Variants in CLNK observed in about 807,000 individuals in gnomAD.
CLNK encodes the protein cytokine-dependent hematopoietic cell linker.
Under a neutral mutation model 68.6 loss-of-function variants are expected in CLNK, and 74 were observed. The observed-to-expected ratio is 1.08, with a 90% CI of 0.89 to 1.31. CLNK has a LOEUF of 1.31. Among genes scored for constraint, CLNK ranks in the 50% most tolerant of loss-of-function variants. The probability of loss-of-function intolerance (pLI) is 0.00; values close to 1 mark genes in which losing one functional copy is unlikely to be tolerated. For missense variants in CLNK, 553 were observed against 515.3 expected, an observed-to-expected ratio of 1.07 and a Z score of -0.71; for synonymous variants, 198 against 172.2, an observed-to-expected ratio of 1.15 and a Z score of -1.17.
chr4:10,628,669 G>A (rs911543176), intron 2 of CLNK, among the ~76,000 whole-genome samples: 4 of 152,166 alleles, frequency 2.6e-5, no homozygotes, highest in Admixed American at 6.5e-5. Context: ...TGAAGACTGC[G>A]ATGCCTGTGT....
intron 2 of CLNK, among the ~76,000 whole-genome samples, chr4:10,618,419 T>C (rs889376124): frequency 6.6e-6 from 1 of 152,244 alleles, no homozygotes. Context: ...ATTAGGTTGA[T>C]GGAAATCTTC....
chr4:10,520,754 T>C (rs1718027903), intron 15 of CLNK, 37 bp downstream of exon 15: 3 of 1,534,686 alleles, frequency 2.0e-6, no homozygotes, highest in Admixed American at 1.8e-5. Flanking sequence ...GTATCGTGAC[T>C]TACCTGTTTA....
chr4:10,660,921 A>C lies in CLNK; in HGVS notation c.11+6938T>G, dbSNP rs116454422. On this transcript the variant is annotated intron_variant, in intron 2 of 18. Coordinates refer to ENST00000226951, the MANE Select transcript of CLNK (RefSeq NM_052964.4). ...AATTACTAGCCAACCACGAAGCTGA[A>C]TCCTACCTATATGACTTTGATAGCA... Among the ~76,000 whole-genome samples, 535 of 152,292 alleles carry C rather than the reference A, an allele frequency of 3.5e-3. 3 individuals are homozygous for C. The highest frequency in any genetic ancestry group is 0.024 in the Middle Eastern group (7 of 294).
In CLNK at chr4:10,490,084, G is replaced by C. The variant is rs1170616703; in HGVS notation, c.*383C>G. ...AGATTTGGGAATTTCCCATAGACTT[G>C]TCTTGCACTGACTGCAAACATTTAA... On this transcript the variant is annotated 3_prime_UTR_variant, in exon 19 of 19. Coordinates refer to ENST00000226951, the MANE Select transcript of CLNK (RefSeq NM_052964.4). 2 of 190,044 alleles carry C rather than the reference G, an allele frequency of 1.1e-5. No homozygotes were observed. Among genetic ancestry groups the C allele is most frequent in the South Asian group, 2.2e-4 (2 of 8,984 alleles). 11.8% of individuals were successfully genotyped at this position (190,044 alleles called of 1,614,324 possible).
chr4:10,581,526 T>C (rs1400199527), intron 4 of CLNK, among the ~76,000 whole-genome samples: 3 of 152,124 alleles, frequency 2.0e-5, no homozygotes, highest in Non-Finnish European at 4.4e-5. Context: ...TAACAGGGGG[T>C]TGAAGAACAG....
chr4:10,709,152 T>C, the CLNK span, among the ~76,000 whole-genome samples: 1 of 152,212 alleles, frequency 6.6e-6, no homozygotes, highest in Non-Finnish European at 1.5e-5. Context: ...TTCAGACCTA[T>C]GCTTATACTG....
chr4:10,706,098 G>A, the CLNK span, among the ~76,000 whole-genome samples: 2 of 152,138 alleles, frequency 1.3e-5, no homozygotes, highest in Non-Finnish European at 2.9e-5. Flanking sequence ...CTTGCTTTGG[G>A]GTCACATACT....
intron 4 of CLNK, among the ~76,000 whole-genome samples, chr4:10,579,193 G>A (rs914727307): frequency 5.9e-5 from 9 of 152,176 alleles, no homozygotes; most frequent in Middle Eastern, 3.2e-3. Context: ...AAATAGGGTA[G>A]TCCACACCCT....
At chr4:10,600,203 G>A (rs1427478592) in intron 2 of CLNK, among the ~76,000 whole-genome samples, 1 of 151,556 alleles carries the variant, frequency 6.6e-6, no homozygotes, top group Non-Finnish European at 1.5e-5. Context: ...TGCCTCCTCT[G>A]GGCCTGGCAA....
chr4:10,552,843 G>A (rs1719515097), intron 8 of CLNK, among the ~76,000 whole-genome samples: 1 of 152,118 alleles, frequency 6.6e-6, no homozygotes, highest in African/African-American at 2.4e-5. Context: ...CCCTCGGGCG[G>A]TTACATGTGT....
intron 16 of CLNK, among the ~76,000 whole-genome samples, chr4:10,508,975 C>T (rs1001612857): frequency 2.0e-5 from 3 of 151,988 alleles, no homozygotes; most frequent in Non-Finnish European, 2.9e-5. Flanking sequence ...GGTGTAGTGA[C>T]GTGTGCCTAT....
At chr4:10,510,852 A>T (rs1717551963) in intron 16 of CLNK, among the ~76,000 whole-genome samples, 1 of 152,242 alleles carries the variant, frequency 6.6e-6, no homozygotes, top group Non-Finnish European at 1.5e-5. Flanking sequence ...CCCCACTTCA[A>T]GCTGTCCCAC....
In CLNK at chr4:10,501,342, A is replaced by G. The variant is rs755722932; in HGVS notation, c.1054T>C (p.Tyr352His). 6.8e-6 allele frequency: 11 copies of G among 1,609,820 alleles called. No individual in the cohort carries two copies. The highest frequency in any genetic ancestry group is 9.3e-6 in the Non-Finnish European group (11 of 1,178,748). Residue 352 changes from tyrosine to histidine, a missense_variant, in exon 18 of 19, where the codon TAT becomes CAT. Coordinates refer to ENST00000226951, the MANE Select transcript of CLNK (RefSeq NM_052964.4). ...TTTACATTGTAGACTTTGTTCTCATAAAACACAGCCAAAACATAGGGCTCT... is the reference window on the plus strand; with the variant it reads ...TTTACATTGTAGACTTTGTTCTCATGAAACACAGCCAAAACATAGGGCTCT... Reference protein sequence around the residue: ...KEEPYVLAVFYENKVYNVKIR... With the variant: ...KEEPYVLAVFHENKVYNVKIR...
intron 1 of CLNK, among the ~76,000 whole-genome samples, chr4:10,672,528 A>C (rs535738390): frequency 1.8e-4 from 28 of 152,334 alleles, no homozygotes; most frequent in African/African-American, 6.3e-4. Context: ...AATGCCTTAT[A>C]TCACTTTAAG....
chr4:10,606,323 AG>A (rs1721788855), intron 2 of CLNK, among the ~76,000 whole-genome samples: 1 of 152,200 alleles, frequency 6.6e-6, no homozygotes, highest in Non-Finnish European at 1.5e-5. Flanking sequence ...TCCCACTGGA[AG>A]GTCGTCAGGG....
chr4:10,504,043 A>G (rs1717174597), intron 17 of CLNK, among the ~76,000 whole-genome samples: 1 of 150,522 alleles, frequency 6.6e-6, no homozygotes, highest in Non-Finnish European at 1.5e-5. Context: ...AGCCGCCCGA[A>G]GTGCTGGGAT....
At chr4:10,674,743 A>T (rs926849732) in intron 1 of CLNK, among the ~76,000 whole-genome samples, 3 of 152,158 alleles carry the variant, frequency 2.0e-5, no homozygotes, top group African/African-American at 7.2e-5. Context: ...GGATGGTCTC[A>T]ATGATTATAT....
At chr4:10,725,190 G>A in the CLNK span, among the ~76,000 whole-genome samples, 10 of 151,922 alleles carry the variant, frequency 6.6e-5, no homozygotes, top group African/African-American at 2.4e-4. Flanking sequence ...TGTAGCCCGC[G>A]GGGTGAGATG....
At chr4:10,624,851 G>T (rs1290118844) in intron 2 of CLNK, among the ~76,000 whole-genome samples, 1 of 152,022 alleles carries the variant, frequency 6.6e-6, no homozygotes. Flanking sequence ...TTGTGTTATG[G>T]CTGTGAGAAA....
Sources: gnomAD v4.1 joint callset for allele counts (sites outside exome capture counted in the v4.1 genomes callset) on GRCh38, gnomAD v4.1.1 for gene constraint, MANE v1.5 for transcripts, NCBI Gene and HGNC (gene_info 2026-07-23, HGNC 2026-07-21) for gene names.